The following DDC variants were observed in gnomAD, a reference collection of about 807,000 sequenced individuals.
DDC encodes the protein dopa decarboxylase.
A neutral mutation model predicts 60.0 loss-of-function variants in DDC; 43 were observed. That is an observed-to-expected ratio of 0.72 (90% CI 0.56 to 0.92). DDC has a LOEUF of 0.92. DDC is among the 40% of genes least tolerant of loss of function. The probability of loss-of-function intolerance (pLI) is 0.00; values close to 1 mark genes in which losing one functional copy is unlikely to be tolerated. For missense variants in DDC, 573 were observed against 620.2 expected, an observed-to-expected ratio of 0.92 and a Z score of 0.81; for synonymous variants, 232 against 234.6, an observed-to-expected ratio of 0.99 and a Z score of 0.10.
At chr7:50,538,185 C>A (rs1226423170) in intron 3 of DDC, among the ~76,000 whole-genome samples, 3 of 152,020 alleles carry the variant, frequency 2.0e-5, no homozygotes, top group Admixed American at 2.0e-4. Context: ...CCATAATGAA[C>A]CTTACTCCAC....
At chr7:50,492,763 T>C (rs1034958183) in intron 9 of DDC, 7 of 1,442,018 alleles carry the variant, frequency 4.9e-6, no homozygotes, top group Non-Finnish European at 6.4e-6. Context: ...ACCTCCACTT[T>C]GTCAAATTTC....
chr7:50,470,292 C>T (rs893767719), intron 11 of DDC, 121 bp from the exon 12 acceptor site: 6 of 758,662 alleles, frequency 7.9e-6, no homozygotes, highest in African/African-American at 1.7e-5. Context: ...CCAACCTGCT[C>T]CCATTGCCAT....
At chr7:50,531,330 G>GC (rs575005803) in intron 4 of DDC, among the ~76,000 whole-genome samples, 18 of 151,800 alleles carry the variant, frequency 1.2e-4, no homozygotes, top group Non-Finnish European at 2.6e-4. Context: ...CCCCCTATCT[G>GC]CCCCCACACA....
At chr7:50,541,382 T>C (rs2044624233) in intron 2 of DDC, 2 of 152,316 alleles carry the variant, frequency 1.3e-5, no homozygotes, top group South Asian at 4.1e-4. Flanking sequence ...GGATATGCTC[T>C]ATCGGGCTTG....
At chr7:50,492,379 GA>G (rs1353807920) in intron 9 of DDC, among the ~76,000 whole-genome samples, 1 of 152,230 alleles carries the variant, frequency 6.6e-6, no homozygotes, top group Non-Finnish European at 1.5e-5. Flanking sequence ...GGGTTTTGGA[GA>G]GATCTGATTT....
intron 6 of DDC, among the ~76,000 whole-genome samples, chr7:50,510,562 G>A (rs2043530567): frequency 6.6e-6 from 1 of 151,456 alleles, no homozygotes; most frequent in South Asian, 2.1e-4. Context: ...CTAGCTATTT[G>A]GGAGGCTGAG....
chr7:50,563,151 G>A (rs73125290), intron 1 of DDC, among the ~76,000 whole-genome samples: 52,948 of 143,696 alleles, frequency 0.37, 9,950 homozygotes, highest in East Asian at 0.59. Context: ...TGGGTGGCAG[G>A]GTGAGACTCC....
At chr7:50,544,184 G>A (rs1813810089) in intron 1 of DDC, 71 bp from the exon 2 acceptor site, 3 of 1,194,156 alleles carry the variant, frequency 2.5e-6, no homozygotes, top group Admixed American at 3.4e-5. Context: ...TACCAAGCAA[G>A]CCGTGGGTAG....
chr7:50,543,319 G>C (rs1056054876), intron 2 of DDC: 2 of 172,812 alleles, frequency 1.2e-5, no homozygotes, highest in Non-Finnish European at 2.5e-5. Flanking sequence ...TGCCCTGTGA[G>C]TGAGTATCGG....
chr7:50,541,136 G>A (rs1335608410), intron 2 of DDC, among the ~76,000 whole-genome samples: 1 of 152,252 alleles, frequency 6.6e-6, no homozygotes, highest in Non-Finnish European at 1.5e-5. Context: ...ACTGGTTTCT[G>A]AGAGACATTG....
At chr7:50,494,496 A>G (rs929982978) in intron 9 of DDC, among the ~76,000 whole-genome samples, 3 of 151,614 alleles carry the variant, frequency 2.0e-5, no homozygotes, top group Non-Finnish European at 4.4e-5. Flanking sequence ...AGAATGAGAC[A>G]CTGTCTCAAA....
At chr7:50,548,892 G>A (rs2044891303) in intron 1 of DDC, among the ~76,000 whole-genome samples, 1 of 152,170 alleles carries the variant, frequency 6.6e-6, no homozygotes, top group African/African-American at 2.4e-5. Context: ...CTCAAAGGGG[G>A]TAACACAGCT....
chr7:50,485,049 G>T (rs1001878971), intron 9 of DDC, among the ~76,000 whole-genome samples: 1 of 152,000 alleles, frequency 6.6e-6, no homozygotes, highest in African/African-American at 2.4e-5. Context: ...AACTGTTTCA[G>T]AGAAATAGAA....
In DDC at chr7:50,476,568, C is replaced by T. The variant is rs369528328; in HGVS notation, c.1041+56G>A. 153 of 1,385,616 alleles carry T rather than the reference C, an allele frequency of 1.1e-4. 1 individual carries two copies. In the African/African-American group the frequency reaches 2.7e-3, roughly 24 times the overall value. The allele number at this position is 1,385,616 out of a possible 1,614,324, so 85.8% of individuals were successfully genotyped here. Reference sequence around the variant, plus strand: ...GGGAGGAGATGTGTGACAGCTGTGGCGTAGCCCCCCAGCACTCCACTAGCA... The same window carrying T: ...GGGAGGAGATGTGTGACAGCTGTGGTGTAGCCCCCCAGCACTCCACTAGCA... On this transcript the variant is annotated intron_variant, in intron 11 of 14. Transcript: ENST00000444124.
At chr7:50,518,223 A>AG (rs1563021637) in intron 6 of DDC, among the ~76,000 whole-genome samples, 1 of 151,428 alleles carries the variant, frequency 6.6e-6, no homozygotes, top group East Asian at 1.9e-4. Flanking sequence ...AAAAAAAAAA[A>AG]AAAGAAATCA....
chr7:50,488,041 A>C (rs2042922127), intron 9 of DDC, among the ~76,000 whole-genome samples: 1 of 152,162 alleles, frequency 6.6e-6, no homozygotes, highest in African/African-American at 2.4e-5. Context: ...CATTTATTTA[A>C]CCTTAAGTTT....
intron 1 of DDC, among the ~76,000 whole-genome samples, chr7:50,548,484 T>A (rs142560244): frequency 3.5e-4 from 53 of 152,366 alleles, no homozygotes; most frequent in African/African-American, 1.2e-3. Flanking sequence ...ATTTTAATGG[T>A]CTGAATTGAA....
At chr7:50,510,135 C>A (rs2043509970) in intron 6 of DDC, among the ~76,000 whole-genome samples, 1 of 151,972 alleles carries the variant, frequency 6.6e-6, no homozygotes, top group Non-Finnish European at 1.5e-5. Flanking sequence ...CCATGCCCGG[C>A]TAATTTTGTT....
At chr7:50,523,232 T>C (rs146256993) in intron 6 of DDC, among the ~76,000 whole-genome samples, 1,915 of 152,242 alleles carry the variant, frequency 0.013, 37 homozygotes, top group African/African-American at 0.044. Flanking sequence ...GAAGATAATA[T>C]AGGAGAAAAC....
Sources: gnomAD v4.1 joint callset for allele counts (sites outside exome capture counted in the v4.1 genomes callset) on GRCh38, gnomAD v4.1.1 for gene constraint, MANE v1.5 for transcripts, NCBI Gene and HGNC (gene_info 2026-07-23, HGNC 2026-07-21) for gene names.